The following FAT1 variants were observed in gnomAD, a reference collection of about 807,000 sequenced individuals.
FAT1 encodes the protein protocadherin Fat 1.
In FAT1, 171 loss-of-function variants were observed where a neutral mutation model predicts 329.8. The ratio of observed to expected loss-of-function variants is 0.52; its 90% CI spans 0.46 to 0.59. The LOEUF is 0.59. Among genes scored for constraint, FAT1 ranks in the 20% least tolerant of loss-of-function variants. The pLI is 0.00. For synonymous variants in FAT1, 2,233 were observed against 2,228.6 expected (o/e 1.00, Z -0.06); for missense variants, 5,672 against 5,774.4 (o/e 0.98, Z 0.57).
chr4:186,696,096 C>A (rs956278820), intron 2 of FAT1, among the ~76,000 whole-genome samples: 4 of 152,078 alleles, frequency 2.6e-5, no homozygotes, highest in South Asian at 2.1e-4. Flanking sequence ...CGGCCATAGG[C>A]CCTAGAACAC....
chr4:186,675,182 A>G (rs1742895154), intron 2 of FAT1, among the ~76,000 whole-genome samples: 1 of 152,218 alleles, frequency 6.6e-6, no homozygotes, highest in Non-Finnish European at 1.5e-5. Flanking sequence ...TTAACTATAA[A>G]AAAACTAGAG....
chr4:186,692,784 A>T (rs1040544961), intron 2 of FAT1, among the ~76,000 whole-genome samples: 4 of 152,172 alleles, frequency 2.6e-5, no homozygotes, highest in African/African-American at 7.2e-5. Flanking sequence ...GACAGCAATA[A>T]ATCAATGAGA....
chr4:186,596,979 C>T lies in FAT1; in HGVS notation c.12561G>A (p.Val4187=), dbSNP rs2126392834. ...CCAGTAAAAATATCCCTGCAACAAA[C>T]ACAACGATTCCAATTCCTTCCGCCA... ...IGLAEGIGIV[V]FVAGIFLLVV... Residue 4187 remains valine, a synonymous_variant, in exon 25 of 27, where the codon GTG becomes GTA. Transcript: ENST00000441802. This position sits in a 1 kb window ranked among gnomAD's most constrained non-coding sequence, Gnocchi z 4.7. The T allele has an allele frequency of 6.2e-7, 1 of 1,614,026 alleles. No homozygotes were observed. The highest frequency in any genetic ancestry group is 8.5e-7 in the Non-Finnish European group (1 of 1,179,898).
intron 1 of FAT1, among the ~76,000 whole-genome samples, chr4:186,723,269 G>C (rs943090784): frequency 6.6e-6 from 1 of 152,232 alleles, no homozygotes; most frequent in East Asian, 1.9e-4. Flanking sequence ...CCAGGGACCC[G>C]GCAGCCCCGC....
chr4:186,723,094 G>A (rs1258791134), intron 1 of FAT1, among the ~76,000 whole-genome samples: 1 of 152,154 alleles, frequency 6.6e-6, no homozygotes, highest in Non-Finnish European at 1.5e-5. Flanking sequence ...CTTTTAAAAA[G>A]ATCTTAGAAG....
At chr4:186,627,844 T>C (rs1471310235) in intron 9 of FAT1, among the ~76,000 whole-genome samples, 1 of 152,168 alleles carries the variant, frequency 6.6e-6, no homozygotes, top group Non-Finnish European at 1.5e-5. Context: ...CAGAAGAAAC[T>C]GTGGTTAAAA....
chr4:186,592,345 A>G (rs1314980989), intron 26 of FAT1, among the ~76,000 whole-genome samples: 3 of 152,230 alleles, frequency 2.0e-5, no homozygotes, highest in Non-Finnish European at 2.9e-5. Context: ...AAAGCTTTAC[A>G]TTATTCAAGT....
Position 186,604,436 on chromosome 4 carries a change from G to A in FAT1, c.10489C>T (p.Leu3497Phe), listed in dbSNP as rs2126438606. Residue 3497 changes from leucine (L) to phenylalanine (F), a missense_variant, in exon 18 of 27, where the codon CTC becomes TTC. Coordinates refer to ENST00000441802, the MANE Select transcript of FAT1 (RefSeq NM_005245.4). ...CTCTTGATGGCAGATGATGTCAGGA[G>A]GACTCCTTGCGGGTTAACTTCAAAA... ...KAFEVNPQGV[L>F]LTSSAIKRKE... 1 of 1,613,940 alleles carries A rather than the reference G, an allele frequency of 6.2e-7. No homozygotes were observed. Among genetic ancestry groups the A allele is most frequent in the South Asian group, 1.1e-5 (1 of 91,070 alleles).
rs557868675 is a variant in FAT1, at chr4:186,683,924, T to C, written c.3266-20311A>G. 2.6e-5 allele frequency among the ~76,000 whole-genome samples: 4 copies of C among 152,002 alleles called. No homozygotes were observed. In the South Asian group the frequency reaches 8.4e-4, roughly 32 times the overall value. ...TTTTTTAATCACAAAACATTGCATGTAATAGTTAACAAAACTGAGTTTTTC... is the reference window on the plus strand; with the variant it reads ...TTTTTTAATCACAAAACATTGCATGCAATAGTTAACAAAACTGAGTTTTTC... On this transcript the variant is annotated intron_variant, in intron 2 of 26. Coordinates refer to ENST00000441802, the MANE Select transcript of FAT1 (RefSeq NM_005245.4).
intron 2 of FAT1, among the ~76,000 whole-genome samples, chr4:186,678,300 G>C (rs948970817): frequency 6.6e-6 from 1 of 151,894 alleles, no homozygotes; most frequent in Non-Finnish European, 1.5e-5. Flanking sequence ...ACGTATCGGA[G>C]AAGATAAAAA....
chr4:186,600,715 C>G (rs1012038844), intron 21 of FAT1, among the ~76,000 whole-genome samples: 1 of 152,118 alleles, frequency 6.6e-6, no homozygotes, highest in Non-Finnish European at 1.5e-5. Context: ...TAAACTGTAA[C>G]AGTTTTTGTT....
chr4:186,652,920 C>T (rs941669251), intron 3 of FAT1, among the ~76,000 whole-genome samples: 5 of 152,202 alleles, frequency 3.3e-5, no homozygotes, highest in African/African-American at 1.2e-4. Context: ...GGGATTACCA[C>T]ACATAAACTA....
upstream of FAT1, among the ~76,000 whole-genome samples, chr4:186,725,627 A>G (rs529827613): frequency 6.6e-6 from 1 of 152,204 alleles, no homozygotes; most frequent in African/African-American, 2.4e-5. This position sits in a 1 kb window ranked among gnomAD's most constrained non-coding sequence, Gnocchi z 5.4. Context: ...CCACGATTCT[A>G]CTGATCCTTA....
intron 4 of FAT1, among the ~76,000 whole-genome samples, chr4:186,637,698 G>C (rs1358615395): frequency 6.6e-6 from 1 of 152,088 alleles, no homozygotes; most frequent in Non-Finnish European, 1.5e-5. Context: ...TTACGTCAAT[G>C]GGCACATTAA....
intron 7 of FAT1, among the ~76,000 whole-genome samples, 160 bp downstream of exon 7, chr4:186,633,524 T>C (rs931573357): frequency 6.6e-6 from 1 of 152,188 alleles, no homozygotes; most frequent in African/African-American, 2.4e-5. Flanking sequence ...TGGAATTAAT[T>C]TTCTTTCCCT....
chr4:186,622,973 C>G (rs1348036285), intron 9 of FAT1, among the ~76,000 whole-genome samples: 1 of 152,272 alleles, frequency 6.6e-6, no homozygotes, highest in Non-Finnish European at 1.5e-5. Context: ...GTGAGCTGCA[C>G]ACCAGGGATT....
In FAT1 at chr4:186,609,941, C is replaced by T. The variant is rs576406029; in HGVS notation, c.9928G>A (p.Gly3310Arg). 6.2e-7 allele frequency: 1 copy of T among 1,613,394 alleles called. No individual in the cohort carries two copies. Among genetic ancestry groups the T allele is most frequent in the East Asian group, 2.2e-5 (1 of 44,872 alleles). The change falls in exon 15 of 27, where the codon GGA (glycine) becomes AGA (arginine). Residue 3310 changes from glycine to arginine, a missense_variant. Gly to Arg is a moderately radical substitution (Grantham distance 125). Transcript: ENST00000441802. ...EYYLTVEATD[G>R]GTPSLSDVAT... ...ACGTCGCTCAGTGAAGGCGTGCCTC[C>T]ATCAGTGGCCTCTACTGTTAGGTAA...
In FAT1 at chr4:186,663,290, A is replaced by G. The variant is rs1364535321; in HGVS notation, c.3580+9T>C. 3 of 1,598,590 alleles carry G rather than the reference A, an allele frequency of 1.9e-6. No homozygotes were observed. The highest frequency in any genetic ancestry group is 2.6e-6 in the Non-Finnish European group (3 of 1,168,686). On this transcript the variant is annotated intron_variant, in intron 3 of 26. Transcript: ENST00000441802. Reference sequence around the variant, plus strand: ...CATAAACATTTCCTATAGCAGTATTAACACATACCTGTTTTAGGATGTATT... The same window carrying G: ...CATAAACATTTCCTATAGCAGTATTGACACATACCTGTTTTAGGATGTATT...
rs117913787 is a variant in FAT1, at chr4:186,623,424, G to A, written c.4811-1649C>T. On this transcript the variant is annotated intron_variant, in intron 9 of 26. Coordinates refer to ENST00000441802, the MANE Select transcript of FAT1 (RefSeq NM_005245.4). Reference sequence around the variant, plus strand: ...CTGCCTGGCCTGACACAGGAGACTGGGGCAGCCATGGTGACTCTCTTCATC... The same window carrying A: ...CTGCCTGGCCTGACACAGGAGACTGAGGCAGCCATGGTGACTCTCTTCATC... Among the ~76,000 whole-genome samples the A allele has an allele frequency of 1.2e-4, 19 of 152,226 alleles. No individual in the cohort carries two copies. In the East Asian group the frequency reaches 3.7e-3, roughly 29 times the overall value.
Sources: gnomAD v4.1 joint callset for allele counts (sites outside exome capture counted in the v4.1 genomes callset) on GRCh38, gnomAD v4.1.1 for gene constraint, Gnocchi (gnomAD v3.1) non-coding constraint, MANE v1.5 for transcripts, NCBI Gene and HGNC (gene_info 2026-07-23, HGNC 2026-07-21) for gene names.